Variants in DSE observed in about 807,000 individuals in gnomAD.
DSE encodes the protein dermatan-sulfate epimerase.
In DSE, 36 loss-of-function variants were observed where a neutral mutation model predicts 84.4. The observed-to-expected ratio is 0.43, with a 90% confidence interval of 0.33 to 0.56. DSE has a LOEUF of 0.56. DSE is among the 20% of genes least tolerant of loss of function. DSE has a pLI of 0.06. For missense variants in DSE, 862 were observed against 1,169.6 expected (o/e 0.74, Z 3.84); for synonymous variants, 410 against 430.1 (o/e 0.95, Z 0.58).
At chr6:116,260,645 G>C (rs1480734511) in intron 2 of DSE, among the ~76,000 whole-genome samples, 2 of 152,086 alleles carry the variant, frequency 1.3e-5, no homozygotes, top group Non-Finnish European at 2.9e-5. Context: ...AATTCATCTT[G>C]ATTTAATTTT....
chr6:116,384,679 G>A (rs1370196804), intron 1 of DSE, among the ~76,000 whole-genome samples: 1 of 152,052 alleles, frequency 6.6e-6, no homozygotes, highest in Non-Finnish European at 1.5e-5. Context: ...ATAACTATAT[G>A]TTTAGTTATC....
intron 2 of DSE, among the ~76,000 whole-genome samples, chr6:116,269,030 GAAAAAA>G (rs538309017): frequency 7.6e-6 from 1 of 132,206 alleles, no homozygotes; most frequent in African/African-American, 2.7e-5. Flanking sequence ...AAAAAAAAAA[GAAAAAA>G]AAAAACCTCA....
chr6:116,298,224 C>G lies in DSE; in HGVS notation c.-54+39257C>G, dbSNP rs72958025. ...GGTAGGCAGAATAATGCCCTCCCCCCAGGAAAGATGTCCATGTTCTAGTCT... is the reference window on the plus strand; with the variant it reads ...GGTAGGCAGAATAATGCCCTCCCCCGAGGAAAGATGTCCATGTTCTAGTCT... On this transcript the variant is annotated intron_variant, in intron 2 of 3. Coordinates refer to the DSE transcript ENST00000430252. Among the ~76,000 whole-genome samples the G allele has an allele frequency of 9.2e-3, 1,395 of 152,246 alleles. 34 individuals carry two copies. The highest frequency in any genetic ancestry group is 0.052 in the Admixed American group (799 of 15,282).
chr6:116,275,740 C>T (rs936866017), intron 2 of DSE, among the ~76,000 whole-genome samples: 4 of 149,752 alleles, frequency 2.7e-5, no homozygotes, highest in Middle Eastern at 3.5e-3. Context: ...GCGGAAGTTG[C>T]AGTGAGCCGA....
At chr6:116,310,852 C>T (rs1310204609) in intron 2 of DSE, among the ~76,000 whole-genome samples, 1 of 152,178 alleles carries the variant, frequency 6.6e-6, no homozygotes, top group African/African-American at 2.4e-5. Context: ...TTCAAAGGCC[C>T]TTCCTAATGG....
intron 2 of DSE, among the ~76,000 whole-genome samples, chr6:116,348,472 A>G (rs1778125231): frequency 6.6e-6 from 1 of 152,108 alleles, no homozygotes; most frequent in South Asian, 2.1e-4. Context: ...AAGTCAGGAA[A>G]CAACAGGTGC....
upstream of DSE, chr6:116,370,216 C>G (rs1779435287): frequency 7.8e-6 from 2 of 256,036 alleles, no homozygotes; most frequent in African/African-American, 2.2e-5. Context: ...CACACCCCCC[C>G]ACCGCGTAAG....
intron 1 of DSE, among the ~76,000 whole-genome samples, chr6:116,390,996 A>G (rs573695907): frequency 2.0e-4 from 30 of 152,376 alleles, no homozygotes; most frequent in African/African-American, 7.2e-4. Context: ...TTAGATAGCC[A>G]CTACATTTCT....
chr6:116,323,496 A>G (rs1776448089), intron 2 of DSE, among the ~76,000 whole-genome samples: 1 of 152,368 alleles, frequency 6.6e-6, no homozygotes, highest in Non-Finnish European at 1.5e-5. Flanking sequence ...TTTAGCAGCC[A>G]GGTGCTATAG....
intron 2 of DSE, chr6:116,279,475 C>A: frequency 1.2e-6 from 2 of 1,612,398 alleles, no homozygotes; most frequent in African/African-American, 1.3e-5. Flanking sequence ...TTTCAGGCTG[C>A]GGTCGGCTGC....
intron 1 of DSE, chr6:116,254,767 T>C (rs1220526694): frequency 6.5e-6 from 1 of 152,936 alleles, no homozygotes; most frequent in Admixed American, 6.5e-5. Flanking sequence ...AAATTTAGGC[T>C]TTTAAGCATT....
chr6:116,351,449 A>G (rs969533032), intron 2 of DSE, among the ~76,000 whole-genome samples: 77 of 152,216 alleles, frequency 5.1e-4, no homozygotes, highest in African/African-American at 1.8e-3. Context: ...AAGTTGTAAC[A>G]TGAACATTTA....
At chr6:116,369,895 T>A (rs1313191598), upstream of DSE, 4 of 1,289,192 alleles carry the variant, frequency 3.1e-6, no homozygotes, top group Admixed American at 9.2e-5. Flanking sequence ...AAAGCACTGC[T>A]CCCAGTAAAA....
At chr6:116,348,035 A>G (rs965497943) in intron 2 of DSE, among the ~76,000 whole-genome samples, 7 of 152,240 alleles carry the variant, frequency 4.6e-5, no homozygotes, top group Admixed American at 4.6e-4. Context: ...CCCAACGGAC[A>G]CATTAAAAAA....
intron 2 of DSE, among the ~76,000 whole-genome samples, chr6:116,322,344 G>A (rs1294529981): frequency 6.6e-6 from 1 of 152,010 alleles, no homozygotes; most frequent in Non-Finnish European, 1.5e-5. Context: ...TTCTTTGGAG[G>A]CAGAAATTGG....
At chr6:116,298,225 A>G (rs1197702504) in intron 2 of DSE, among the ~76,000 whole-genome samples, 1 of 152,196 alleles carries the variant, frequency 6.6e-6, no homozygotes, top group Non-Finnish European at 1.5e-5. Context: ...CCCTCCCCCC[A>G]GGAAAGATGT....
At chr6:116,363,884 T>G (rs1263904500) in intron 2 of DSE, among the ~76,000 whole-genome samples, 2 of 152,166 alleles carry the variant, frequency 1.3e-5, no homozygotes, top group African/African-American at 4.8e-5. Context: ...ATTGCCAGAG[T>G]TAATATGAAA....
At chr6:116,370,694 G>A (rs1233376919), upstream of DSE, among the ~76,000 whole-genome samples, 2 of 151,978 alleles carry the variant, frequency 1.3e-5, no homozygotes, top group South Asian at 2.1e-4. Flanking sequence ...AGTCCGGGCC[G>A]GGTGGCGTGG....
At chr6:116,321,642 C>T (rs1459768276) in intron 2 of DSE, among the ~76,000 whole-genome samples, 1 of 152,042 alleles carries the variant, frequency 6.6e-6, no homozygotes, top group Non-Finnish European at 1.5e-5. Flanking sequence ...AAAAAATTAG[C>T]CGGCGCCTGT....
Sources: gnomAD v4.1 joint callset for allele counts (sites outside exome capture counted in the v4.1 genomes callset) on GRCh38, gnomAD v4.1.1 for gene constraint, MANE v1.5 for transcripts, NCBI Gene and HGNC (gene_info 2026-07-23, HGNC 2026-07-21) for gene names.